UGT1A5: variants seen among roughly 807,000 people sequenced by gnomAD.
The protein encoded by UGT1A5 is UDP glucuronosyltransferase family 1 member A5.
In UGT1A5, 29 loss-of-function variants were observed where a neutral mutation model predicts 40.3. That is an observed-to-expected ratio of 0.72 (90% confidence interval 0.54 to 0.98). UGT1A5 has a LOEUF of 0.98. UGT1A5 is among the 50% of genes least tolerant of loss of function. The pLI is 0.00. For missense variants in UGT1A5, 678 were observed against 677.9 expected, an observed-to-expected ratio of 1.00 and a Z score of 0.00; for synonymous variants, 257 against 262.5, an observed-to-expected ratio of 0.98 and a Z score of 0.20.
intron 1 of UGT1A5, among the ~76,000 whole-genome samples, chr2:233,748,701 G>A (rs1009365045): frequency 6.6e-6 from 1 of 151,652 alleles, no homozygotes; most frequent in Non-Finnish European, 1.5e-5. Context: ...TTCTGGTCAG[G>A]ATTTGGGGTC....
At chr2:233,764,054 A>G (rs995386532) in intron 1 of UGT1A5, among the ~76,000 whole-genome samples, 2 of 152,188 alleles carry the variant, frequency 1.3e-5, no homozygotes, top group African/African-American at 2.4e-5. Flanking sequence ...GGAAAATGAA[A>G]TGCATTTGGG....
intron 4 of UGT1A5, among the ~76,000 whole-genome samples, chr2:233,771,925 G>A (rs1269829032): frequency 6.6e-6 from 1 of 151,860 alleles, no homozygotes; most frequent in Non-Finnish European, 1.5e-5. Flanking sequence ...ACACAGCCTG[G>A]GCAACACAAT....
At chr2:233,758,188 A>G (rs1349167562) in intron 1 of UGT1A5, among the ~76,000 whole-genome samples, 2 of 152,180 alleles carry the variant, frequency 1.3e-5, no homozygotes, top group African/African-American at 4.8e-5. Flanking sequence ...TATTAATTGG[A>G]TTGCTTAGTA....
At chr2:233,726,854 A>G (rs980426931) in intron 1 of UGT1A5, among the ~76,000 whole-genome samples, 2 of 152,058 alleles carry the variant, frequency 1.3e-5, no homozygotes, top group Non-Finnish European at 2.9e-5. Context: ...CCTTTTCTCC[A>G]TAGTCTTCTA....
intron 1 of UGT1A5, among the ~76,000 whole-genome samples, chr2:233,727,472 C>T (rs1025234112): frequency 7.2e-5 from 11 of 152,134 alleles, no homozygotes; most frequent in African/African-American, 2.4e-4. Flanking sequence ...CTAAATAAAA[C>T]ACTACTACTT....
intron 1 of UGT1A5, among the ~76,000 whole-genome samples, chr2:233,715,749 G>C (rs1295869903): frequency 1.3e-5 from 2 of 152,196 alleles, no homozygotes; most frequent in African/African-American, 2.4e-5. Flanking sequence ...TCCAGCCTGA[G>C]TGACAGAGCG....
At chr2:233,771,561 C>T (rs1395815945) in intron 4 of UGT1A5, 1 of 152,134 alleles carries the variant, frequency 6.6e-6, no homozygotes, top group Admixed American at 6.6e-5. Context: ...GTTAATTTGG[C>T]CAGAGGTGGT....
chr2:233,760,580 A>G, intron 1 of UGT1A5: 1 of 1,614,212 alleles, frequency 6.2e-7, no homozygotes, highest in Non-Finnish European at 8.5e-7. Context: ...CTCGGGCATA[A>G]TGTTTTTGAG....
At chr2:233,718,085 C>T (rs557969051) in intron 1 of UGT1A5, 1 of 337,650 alleles carries the variant, frequency 3.0e-6, no homozygotes, top group Non-Finnish European at 5.9e-6. Context: ...GTTGTCTTGC[C>T]CATGTGTGCT....
chr2:233,736,518 C>G (rs567664154), intron 1 of UGT1A5, among the ~76,000 whole-genome samples: 1 of 152,188 alleles, frequency 6.6e-6, no homozygotes, highest in Admixed American at 6.5e-5. Context: ...TCTGTCAACT[C>G]GTCAAAGTCA....
intron 1 of UGT1A5, 130 bp downstream of exon 1, chr2:233,713,988 T>C (rs1034090068): frequency 1.1e-5 from 18 of 1,575,780 alleles, no homozygotes; most frequent in Non-Finnish European, 1.5e-5. Flanking sequence ...ATTGTTGTAA[T>C]AGTCTTCAGT....
In UGT1A5 at chr2:233,713,094, C is replaced by G. The variant is rs1375796840; in HGVS notation, c.103C>G (p.Pro35Ala). ...WAESGKVLVV[P>A]TDGSHWLSMR... is the part of the protein sequence containing the mutation. ...TGAGAGTGGGAAGGTGCTGGTGGTG[C>G]CCACTGATGGCAGCCACTGGCTCAG... The change falls in exon 1 of 5, where the codon CCC (proline) becomes GCC (alanine). Residue 35 changes from proline (P) to alanine (A), a missense_variant. Pro to Ala is a conservative substitution (Grantham distance 27, BLOSUM62 -1). Coordinates refer to ENST00000373414, the MANE Select transcript of UGT1A5 (RefSeq NM_019078.2). 2.5e-6 allele frequency: 4 copies of G among 1,614,034 alleles called. No individual in the cohort carries two copies. The highest frequency in any genetic ancestry group is 3.3e-5 in the Admixed American group (2 of 60,002).
chr2:233,743,988 C>T (rs893316227), intron 1 of UGT1A5: 14 of 1,273,410 alleles, frequency 1.1e-5, no homozygotes, highest in Middle Eastern at 2.4e-4. Flanking sequence ...CAGGCGCAGG[C>T]CCGAGTGCTC....
chr2:233,761,524 A>G (rs1388397599), intron 1 of UGT1A5, among the ~76,000 whole-genome samples: 1 of 152,234 alleles, frequency 6.6e-6, no homozygotes, highest in Non-Finnish European at 1.5e-5. Flanking sequence ...AATGTTCAGG[A>G]CTGATGAAAT....
chr2:233,752,100 A>T (rs1044606587), intron 1 of UGT1A5, among the ~76,000 whole-genome samples: 1 of 152,250 alleles, frequency 6.6e-6, no homozygotes, highest in Non-Finnish European at 1.5e-5. Context: ...GACAGAAAGT[A>T]GAATCAGAGG....
At position 233,769,481 on chromosome 2, in the gene UGT1A5, G is replaced by T. The variant is rs35791110; in HGVS notation, c.1307+1042G>T. 6.2e-7 allele frequency: 1 copy of T among 1,612,192 alleles called. No homozygotes were observed. The highest frequency in any genetic ancestry group is 1.3e-5 in the African/African-American group (1 of 75,008). ...TTCATATGCGTGTGTGTGTGTGTGC[G>T]TGTGTTTATGAGAGTGTCCATTGCT... is the stretch of plus-strand genomic sequence containing the variant. On this transcript the variant is annotated intron_variant, in intron 4 of 4. Transcript: ENST00000373414. The surrounding 1 kb of genome is among the most constrained non-coding windows in gnomAD (Gnocchi z 4.4).
intron 1 of UGT1A5, among the ~76,000 whole-genome samples, chr2:233,765,063 G>T (rs1333981989): frequency 6.6e-6 from 1 of 152,054 alleles, no homozygotes; most frequent in African/African-American, 2.4e-5. Context: ...CCCTGTCAGA[G>T]GTCTCCTGTG....
intron 1 of UGT1A5, among the ~76,000 whole-genome samples, chr2:233,744,247 T>C (rs1227654990): frequency 1.3e-5 from 2 of 151,818 alleles, no homozygotes; most frequent in Non-Finnish European, 2.9e-5. Flanking sequence ...TTTGGCTGCC[T>C]GAAGAACTGT....
chr2:233,713,635 T>C lies in UGT1A5; in HGVS notation c.644T>C (p.Leu215Pro), dbSNP rs1231856899. ...TTCCTGCAAAGGGTCAAGAACATGCTCTACCCTCTGGCCCTGTCCTACCTT... is the reference window on the plus strand; with the variant it reads ...TTCCTGCAAAGGGTCAAGAACATGCCCTACCCTCTGGCCCTGTCCTACCTT... Reference protein sequence around the residue: ...MTFLQRVKNMLYPLALSYLCH... With the variant: ...MTFLQRVKNMPYPLALSYLCH... The change falls in exon 1 of 5, where the codon CTC (leucine) becomes CCC (proline). Residue 215 changes from leucine to proline, a missense_variant. Coordinates refer to ENST00000373414, the MANE Select transcript of UGT1A5 (RefSeq NM_019078.2). 1.9e-6 allele frequency: 3 copies of C among 1,613,986 alleles called. No homozygotes were observed. Among genetic ancestry groups the C allele is most frequent in the Non-Finnish European group, 2.5e-6 (3 of 1,179,864 alleles).
Sources: allele counts gnomAD v4.1 joint callset (sites outside exome capture counted in the v4.1 genomes callset), GRCh38; gene constraint gnomAD v4.1.1; non-coding constraint Gnocchi (gnomAD v3.1); transcripts MANE v1.5; gene names NCBI Gene and HGNC (gene_info 2026-07-23, HGNC 2026-07-21).